Variants in NELL1 observed in about 807,000 individuals in gnomAD.
The protein encoded by NELL1 is neural EGFL like 1, also known as protein kinase C-binding protein NELL1.
A neutral mutation model predicts 107.4 loss-of-function variants in NELL1; 76 were observed. That is an observed-to-expected ratio of 0.71 (90% confidence interval 0.59 to 0.86). The LOEUF (loss-of-function observed/expected upper bound fraction) is 0.86, where lower values mean the gene tolerates loss of function less well. Ranked by LOEUF, NELL1 falls within the 40% of genes least tolerant of loss-of-function variation. The pLI is 0.00. For synonymous variants in NELL1, 353 were observed against 341.2 expected (o/e 1.03, Z -0.38); for missense variants, 1,024 against 1,005.5 (o/e 1.02, Z -0.25).
At chr11:21,040,756 A>C (rs1345787486) in intron 12 of NELL1, among the ~76,000 whole-genome samples, 1 of 152,196 alleles carries the variant, frequency 6.6e-6, no homozygotes, top group Non-Finnish European at 1.5e-5. Context: ...CTTATTACTC[A>C]TATTATCTTG....
chr11:20,992,457 C>G (rs962981772), intron 12 of NELL1, among the ~76,000 whole-genome samples: 1 of 152,084 alleles, frequency 6.6e-6, no homozygotes, highest in Non-Finnish European at 1.5e-5. Flanking sequence ...TATTTCAAAC[C>G]TGCTCGTTTT....
intron 14 of NELL1, among the ~76,000 whole-genome samples, chr11:21,352,231 T>A (rs951162763): frequency 2.0e-5 from 3 of 152,192 alleles, no homozygotes; most frequent in Admixed American, 2.0e-4. Flanking sequence ...CCTGCTTTAG[T>A]TTTTCCCGTA....
intron 15 of NELL1, among the ~76,000 whole-genome samples, chr11:21,395,263 A>C (rs1851957148): frequency 6.6e-6 from 1 of 151,476 alleles, no homozygotes; most frequent in South Asian, 2.1e-4. Context: ...CTCTCTTTGA[A>C]ACTAGTCAGA....
chr11:21,163,556 T>G (rs1856418345), intron 13 of NELL1, among the ~76,000 whole-genome samples: 1 of 152,144 alleles, frequency 6.6e-6, no homozygotes, highest in Non-Finnish European at 1.5e-5. Flanking sequence ...TTTAGGGAGG[T>G]ACTTAAGGTT....
At chr11:21,445,114 T>G (rs1048387580) in intron 15 of NELL1, among the ~76,000 whole-genome samples, 1 of 152,200 alleles carries the variant, frequency 6.6e-6, no homozygotes, top group Non-Finnish European at 1.5e-5. Flanking sequence ...TCATATCTTA[T>G]TGTACTGTCT....
chr11:20,978,154 T>C lies in NELL1; in HGVS notation c.1300+17594T>C, dbSNP rs148997942. ...ATTGAGGCTCACACATACTTAAACT[T>C]GTATCTTTTTATACTGAATCCAGTT... is the stretch of plus-strand genomic sequence containing the variant. On this transcript the variant is annotated intron_variant, in intron 12 of 19. Transcript: ENST00000357134. Among the ~76,000 whole-genome samples, 163 of 152,324 alleles carry C rather than the reference T, an allele frequency of 1.1e-3. 3 individuals are homozygous for C. In the East Asian group the frequency reaches 0.026, roughly 24 times the overall value.
intron 15 of NELL1, among the ~76,000 whole-genome samples, chr11:21,427,485 A>G (rs978114039): frequency 1.3e-5 from 2 of 152,240 alleles, no homozygotes; most frequent in East Asian, 3.9e-4. Flanking sequence ...TTCAATCATG[A>G]AAACCTCAGA....
intron 15 of NELL1, among the ~76,000 whole-genome samples, chr11:21,513,003 A>G (rs771191565): frequency 2.6e-5 from 4 of 152,138 alleles, no homozygotes; most frequent in Non-Finnish European, 4.4e-5. Context: ...AATGGCACCT[A>G]TTTCCCTAAT....
At chr11:21,432,759 A>G (rs1431614858) in intron 15 of NELL1, among the ~76,000 whole-genome samples, 2 of 152,182 alleles carry the variant, frequency 1.3e-5, no homozygotes, top group Non-Finnish European at 2.9e-5. Flanking sequence ...ATACTTATTT[A>G]TGGTATATAG....
At chr11:21,570,678 C>A in intron 17 of NELL1, 86 bp from the exon 18 acceptor site, 2 of 1,381,376 alleles carry the variant, frequency 1.4e-6, no homozygotes, top group Non-Finnish European at 2.0e-6. Context: ...AGGGGGTGAC[C>A]AAACATCCAA....
intron 14 of NELL1, among the ~76,000 whole-genome samples, chr11:21,252,488 G>C (rs910637457): frequency 2.6e-5 from 4 of 152,214 alleles, no homozygotes; most frequent in African/African-American, 9.6e-5. Context: ...CAAATCTCAT[G>C]CAGCTAAAGG....
intron 12 of NELL1, among the ~76,000 whole-genome samples, chr11:21,072,961 G>T (rs1003749449): frequency 6.6e-6 from 1 of 152,074 alleles, no homozygotes; most frequent in East Asian, 1.9e-4. Flanking sequence ...ATGTGTCCCT[G>T]ACCTTTTAAT....
intron 13 of NELL1, among the ~76,000 whole-genome samples, chr11:21,219,891 G>A (rs897292375): frequency 6.6e-6 from 1 of 152,138 alleles, no homozygotes; most frequent in Non-Finnish European, 1.5e-5. Context: ...TGTACAGGAA[G>A]CATGGCTTCA....
Position 21,495,512 on chromosome 11 carries a change from G to C in NELL1, c.1646-38862G>C, listed in dbSNP as rs529103861. The stretch of plus-strand genomic sequence containing the variant: ...GAATATATATTTGTAATTCTCTTGG[G>C]TGTGTATACTTAGGAGTGGGATTGA... On this transcript the variant is annotated intron_variant, in intron 15 of 19. Coordinates refer to ENST00000357134, the MANE Select transcript of NELL1 (RefSeq NM_006157.5). Among the ~76,000 whole-genome samples the C allele has an allele frequency of 1.8e-4, 27 of 152,108 alleles. No homozygotes were observed. The South Asian group carries it at 5.4e-3, about 30-fold the overall frequency.
At position 21,332,775 on chromosome 11, in the gene NELL1, A is replaced by G. The variant is rs371266917; in HGVS notation, c.1550-38078A>G. On this transcript the variant is annotated intron_variant, in intron 14 of 19. Transcript: ENST00000357134. Reference sequence around the variant, plus strand: ...TACAGTTTTATGATTTCCATATTTTAATTTTTATATAACTGAAATTATTTT... The same window carrying G: ...TACAGTTTTATGATTTCCATATTTTGATTTTTATATAACTGAAATTATTTT... 3.5e-3 allele frequency among the ~76,000 whole-genome samples: 530 copies of G among 151,978 alleles called. 10 individuals are homozygous for G. In the South Asian group the frequency reaches 0.056, roughly 16 times the overall value.
intron 13 of NELL1, among the ~76,000 whole-genome samples, chr11:21,153,976 T>C (rs1224478807): frequency 6.6e-6 from 1 of 152,174 alleles, no homozygotes; most frequent in African/African-American, 2.4e-5. Flanking sequence ...TTAAGAACCA[T>C]ACACTGGGCA....
chr11:20,839,738 G>A, intron 3 of NELL1, among the ~76,000 whole-genome samples: 1 of 152,160 alleles, frequency 6.6e-6, no homozygotes, highest in Non-Finnish European at 1.5e-5. Flanking sequence ...AAGATATCTG[G>A]GTTCTGAAGC....
chr11:21,486,205 A>G (rs1854627898), intron 15 of NELL1, among the ~76,000 whole-genome samples: 1 of 152,004 alleles, frequency 6.6e-6, no homozygotes, highest in South Asian at 2.1e-4. Flanking sequence ...TAGACTCACC[A>G]TACACCACTC....
chr11:21,534,960 T>C (rs1268039176), intron 16 of NELL1, among the ~76,000 whole-genome samples: 1 of 152,174 alleles, frequency 6.6e-6, no homozygotes, highest in South Asian at 2.1e-4. Context: ...ATCCTTCATC[T>C]GTGTATATGT....
Sources: gnomAD v4.1 joint callset for allele counts (sites outside exome capture counted in the v4.1 genomes callset) on GRCh38, gnomAD v4.1.1 for gene constraint, MANE v1.5 for transcripts, NCBI Gene and HGNC (gene_info 2026-07-23, HGNC 2026-07-21) for gene names.